CMTM8: variants seen among roughly 807,000 people sequenced by gnomAD.
CMTM8 encodes CKLF like MARVEL transmembrane domain containing 8, also known as CKLF-like MARVEL transmembrane domain-containing protein 8.
Under a neutral mutation model 18.6 loss-of-function variants are expected in CMTM8, and 12 were observed. The ratio of observed to expected loss-of-function variants is 0.65; its 90% CI spans 0.41 to 1.05. The LOEUF (loss-of-function observed/expected upper bound fraction) is 1.05. Ranked by LOEUF, CMTM8 falls within the 50% of genes least tolerant of loss-of-function variation. The probability of loss-of-function intolerance (pLI) is 0.00; values close to 1 mark genes in which losing one functional copy is unlikely to be tolerated. For missense variants in CMTM8, 217 were observed against 227.2 expected (o/e 0.95, Z 0.29); for synonymous variants, 87 against 90.6 (o/e 0.96, Z 0.23).
In CMTM8 at chr3:32,306,984, G is replaced by A. The variant is rs187183872; in HGVS notation, c.148-50389G>A. Among the ~76,000 whole-genome samples, 28 of 152,292 alleles carry A rather than the reference G, an allele frequency of 1.8e-4. No homozygotes were observed. In the East Asian group the frequency reaches 5.2e-3, roughly 28 times the overall value. ...AACACTTTGGGAGGCCGAGGTAGGT[G>A]GATCACGAGGACAGGAGTTTGAGAC... On this transcript the variant is annotated intron_variant, in intron 1 of 3. Transcript: ENST00000307526.
rs568215270 is a variant in CMTM8, at chr3:32,241,921, G to A, written c.147+2802G>A. Reference sequence around the variant, plus strand: ...TTTAGTCACTAATTTAACCCTAGTTGTTTAAGTCTCCTATCAAGAAGCTGA... The same window carrying A: ...TTTAGTCACTAATTTAACCCTAGTTATTTAAGTCTCCTATCAAGAAGCTGA... On this transcript the variant is annotated intron_variant, in intron 1 of 3. Coordinates refer to ENST00000307526, the MANE Select transcript of CMTM8 (RefSeq NM_178868.5). Among the ~76,000 whole-genome samples, 315 of 152,274 alleles carry A rather than the reference G, an allele frequency of 2.1e-3. 1 individual carries two copies. In the South Asian group the frequency reaches 0.028, roughly 14 times the overall value.
At chr3:32,243,193 A>C (rs1468742825) in intron 1 of CMTM8, among the ~76,000 whole-genome samples, 1 of 151,640 alleles carries the variant, frequency 6.6e-6, no homozygotes, top group East Asian at 2.0e-4. Context: ...TCACCTAACC[A>C]AAATAAAATG....
chr3:32,293,664 G>A (rs1702822974), intron 1 of CMTM8, among the ~76,000 whole-genome samples: 1 of 152,126 alleles, frequency 6.6e-6, no homozygotes. Context: ...TGGGCAACAT[G>A]GAGAAACCTC....
chr3:32,277,814 A>C (rs958416112), intron 1 of CMTM8, among the ~76,000 whole-genome samples: 1 of 152,144 alleles, frequency 6.6e-6, no homozygotes, highest in African/African-American at 2.4e-5. Flanking sequence ...AAATTGGACA[A>C]ATGCACAATA....
At chr3:32,263,598 G>A (rs868136030) in intron 1 of CMTM8, among the ~76,000 whole-genome samples, 47 of 152,344 alleles carry the variant, frequency 3.1e-4, no homozygotes, top group South Asian at 1.0e-3. Flanking sequence ...AAGCTGGGCC[G>A]AGAATGGCTT....
intron 1 of CMTM8, among the ~76,000 whole-genome samples, chr3:32,325,965 G>A (rs1335848711): frequency 2.0e-5 from 3 of 152,166 alleles, no homozygotes; most frequent in Non-Finnish European, 4.4e-5. Flanking sequence ...AACCAGGATG[G>A]GGGCATTTAT....
intron 1 of CMTM8, among the ~76,000 whole-genome samples, chr3:32,254,372 A>C (rs1417277342): frequency 6.6e-6 from 1 of 152,116 alleles, no homozygotes; most frequent in Admixed American, 6.6e-5. Context: ...TTTCCTTGTC[A>C]TCTTGTTATA....
intron 1 of CMTM8, among the ~76,000 whole-genome samples, chr3:32,278,916 G>C (rs7644602): frequency 6.6e-6 from 1 of 151,848 alleles, no homozygotes; most frequent in Non-Finnish European, 1.5e-5. Context: ...TGATGGAAAC[G>C]TGGCTAAATT....
At chr3:32,274,797 T>G (rs572223861) in intron 1 of CMTM8, among the ~76,000 whole-genome samples, 1 of 152,286 alleles carries the variant, frequency 6.6e-6, no homozygotes, top group Admixed American at 6.5e-5. Flanking sequence ...GTCTTTGTCT[T>G]TCATGACCTT....
chr3:32,351,841 C>G (rs1696715459), intron 1 of CMTM8, among the ~76,000 whole-genome samples: 1 of 151,934 alleles, frequency 6.6e-6, no homozygotes, highest in African/African-American at 2.4e-5. Context: ...ATGTAAAGAT[C>G]TCTACAAATC....
At chr3:32,334,793 A>G (rs1267842055) in intron 1 of CMTM8, among the ~76,000 whole-genome samples, 1 of 152,040 alleles carries the variant, frequency 6.6e-6, no homozygotes, top group East Asian at 1.9e-4. Context: ...TCCCACAGTT[A>G]AAAAAAATTG....
intron 1 of CMTM8, among the ~76,000 whole-genome samples, chr3:32,337,282 GAAGT>G (rs1247688262): frequency 6.6e-6 from 1 of 152,022 alleles, no homozygotes; most frequent in Non-Finnish European, 1.5e-5. Flanking sequence ...AGTGTTGACA[GAAGT>G]AAGTAAATGT....
intron 1 of CMTM8, among the ~76,000 whole-genome samples, chr3:32,277,668 G>T (rs1270508238): frequency 6.6e-6 from 1 of 152,196 alleles, no homozygotes; most frequent in Non-Finnish European, 1.5e-5. Context: ...TTATTTTGGA[G>T]AGGCCTGTGG....
intron 1 of CMTM8, among the ~76,000 whole-genome samples, chr3:32,313,992 T>G (rs1042186280): frequency 2.6e-5 from 4 of 151,944 alleles, no homozygotes; most frequent in African/African-American, 9.7e-5. Context: ...AGACCCTGTC[T>G]CAGAAAAAAA....
intron 1 of CMTM8, among the ~76,000 whole-genome samples, chr3:32,323,740 CTG>C (rs1296641451): frequency 3.9e-5 from 6 of 152,178 alleles, no homozygotes; most frequent in African/African-American, 1.4e-4. Context: ...AGTAAAACCT[CTG>C]GAAGTCAGAA....
intron 1 of CMTM8, among the ~76,000 whole-genome samples, chr3:32,332,036 G>GCACACACA (rs140552228): frequency 6.6e-6 from 1 of 150,948 alleles, no homozygotes; most frequent in Non-Finnish European, 1.5e-5. Context: ...TTGACCACAC[G>GCACACACA]CGCACACACA....
chr3:32,295,483 A>AAAAAAAAAAG (rs1559372458), intron 1 of CMTM8, among the ~76,000 whole-genome samples: 1 of 117,052 alleles, frequency 8.5e-6, no homozygotes, highest in Non-Finnish European at 1.6e-5. Context: ...AAAAAACAAA[A>AAAAAAAAAAG]CAAAACAGCG....
intron 1 of CMTM8, among the ~76,000 whole-genome samples, chr3:32,293,446 G>C (rs1253284751): frequency 6.6e-6 from 1 of 152,194 alleles, no homozygotes; most frequent in Non-Finnish European, 1.5e-5. Flanking sequence ...TACTTGGAAG[G>C]CTGAGATGGG....
chr3:32,319,057 C>CATACATACATATATATATAT lies in CMTM8; in HGVS notation c.148-38313_148-38312insCATACATATATATATATATA, dbSNP rs1206855049. Among the ~76,000 whole-genome samples the CATACATACATATATATATAT allele has an allele frequency of 1.0e-3, 46 of 45,876 alleles. 4 individuals are homozygous for CATACATACATATATATATAT. Among genetic ancestry groups the CATACATACATATATATATAT allele is most frequent in the African/African-American group, 4.5e-3 (46 of 10,168 alleles). 30.1% of individuals were successfully genotyped at this position (45,876 alleles called of 152,430 possible). On this transcript the variant is annotated intron_variant, in intron 1 of 3. Transcript: ENST00000307526. The stretch of plus-strand genomic sequence containing the variant: ...AAATTTATATATATGTGTGTATATA[C>CATACATACATATATATATAT]ATATATATATATATATATTTTTTTT...
Sources: gnomAD v4.1 joint callset for allele counts (sites outside exome capture counted in the v4.1 genomes callset) on GRCh38, gnomAD v4.1.1 for gene constraint, MANE v1.5 for transcripts, NCBI Gene and HGNC (gene_info 2026-07-23, HGNC 2026-07-21) for gene names.